The following SYT9 variants were observed in gnomAD, a reference collection of about 807,000 sequenced individuals.
SYT9 encodes synaptotagmin 9.
SYT9 carries 22 observed loss-of-function variants against 48.4 expected under a neutral mutation model. The ratio of observed to expected loss-of-function variants is 0.45; its 90% CI spans 0.32 to 0.65. The LOEUF is 0.65. SYT9 is among the 30% of genes least tolerant of loss of function. The pLI is 0.03. For synonymous variants in SYT9, 265 were observed against 245.0 expected (o/e 1.08, Z -0.76); for missense variants, 577 against 622.0 (o/e 0.93, Z 0.77).
At chr11:7,316,424 TG>T (rs1361412462) in intron 3 of SYT9, among the ~76,000 whole-genome samples, 4 of 152,178 alleles carry the variant, frequency 2.6e-5, no homozygotes, top group Admixed American at 6.5e-5. Context: ...TTTTTTTCTT[TG>T]GTCAACATTG....
chr11:7,408,475 TG>T (rs1847067790), intron 3 of SYT9, among the ~76,000 whole-genome samples: 1 of 152,238 alleles, frequency 6.6e-6, no homozygotes, highest in South Asian at 2.1e-4. Context: ...TCCATGAGCA[TG>T]GGATGTCTTT....
intron 3 of SYT9, among the ~76,000 whole-genome samples, chr11:7,375,460 A>G (rs928038234): frequency 1.3e-5 from 2 of 152,122 alleles, no homozygotes; most frequent in African/African-American, 4.8e-5. Context: ...AAGAAAGTCA[A>G]TAGTAGCTTG....
At chr11:7,303,666 A>G (rs76004074) in intron 2 of SYT9, among the ~76,000 whole-genome samples, 3,975 of 152,320 alleles carry the variant, frequency 0.026, 81 homozygotes, top group East Asian at 0.11. Flanking sequence ...TTAGCATGAA[A>G]TGTATACTAT....
intron 3 of SYT9, among the ~76,000 whole-genome samples, chr11:7,390,724 T>G (rs1055884433): frequency 4.6e-5 from 7 of 152,190 alleles, no homozygotes; most frequent in Admixed American, 3.9e-4. Flanking sequence ...AATTTAAAAG[T>G]GGTTGAAACC....
rs73397556 is a variant in SYT9, at chr11:7,361,635, C to A, written c.1044+47694C>A. On this transcript the variant is annotated intron_variant, in intron 3 of 6. Coordinates refer to ENST00000318881, the MANE Select transcript of SYT9 (RefSeq NM_175733.4). ...TTTACAGAAGTGTGTTTTACTTTCC[C>A]TCTATGATTGTGAATTTGTTGATTG... is the stretch of plus-strand genomic sequence containing the variant. 4.1e-3 allele frequency among the ~76,000 whole-genome samples: 624 copies of A among 152,136 alleles called. 3 individuals carry two copies. Among genetic ancestry groups the A allele is most frequent in the African/African-American group, 0.014 (587 of 41,492 alleles).
chr11:7,368,558 C>T lies in SYT9; in HGVS notation c.1045-47484C>T, dbSNP rs557690764. On this transcript the variant is annotated intron_variant, in intron 3 of 6. Transcript: ENST00000318881. ...AGGCCCTGGTGTGTGATATTCCCCT[C>T]CCTGTGTCCATGTGTTCTCATTGTT... Among the ~76,000 whole-genome samples the T allele has an allele frequency of 2.0e-5, 3 of 152,226 alleles. No individual in the cohort carries two copies. The South Asian group carries it at 6.2e-4, about 32-fold the overall frequency.
chr11:7,398,561 C>T (rs1322892074), intron 3 of SYT9, among the ~76,000 whole-genome samples: 1 of 152,076 alleles, frequency 6.6e-6, no homozygotes, highest in Non-Finnish European at 1.5e-5. Context: ...AGGCACCTGC[C>T]ACCACGCCCA....
intron 6 of SYT9, among the ~76,000 whole-genome samples, chr11:7,426,578 A>G (rs972136234): frequency 2.6e-5 from 4 of 152,138 alleles, no homozygotes; most frequent in Non-Finnish European, 4.4e-5. Flanking sequence ...ATAAAGTTAC[A>G]TGGTCATTTC....
chr11:7,387,345 AATAAT>A (rs1850682296), intron 3 of SYT9, among the ~76,000 whole-genome samples: 1 of 152,154 alleles, frequency 6.6e-6, no homozygotes, highest in Non-Finnish European at 1.5e-5. Context: ...CCTAAACAAA[AATAAT>A]AAAATAAAAT....
chr11:7,349,244 T>C (rs944547349), intron 3 of SYT9, among the ~76,000 whole-genome samples: 3 of 152,088 alleles, frequency 2.0e-5, no homozygotes, highest in Non-Finnish European at 4.4e-5. Context: ...GTTGGGGTGA[T>C]GCCAGCATTC....
At chr11:7,328,561 A>G (rs10734617) in intron 3 of SYT9, among the ~76,000 whole-genome samples, 106,709 of 151,914 alleles carry the variant, frequency 0.7, 37,672 homozygotes, top group East Asian at 0.92. Context: ...TCCATTCCAG[A>G]TGACATAACT....
chr11:7,301,699 T>C (rs1049731292), intron 1 of SYT9, among the ~76,000 whole-genome samples: 7 of 152,182 alleles, frequency 4.6e-5, no homozygotes, highest in Admixed American at 3.3e-4. Context: ...CAGAAAACTT[T>C]GGTTGAAGCA....
At chr11:7,431,739 C>G (rs1446448061) in intron 6 of SYT9, among the ~76,000 whole-genome samples, 1 of 152,238 alleles carries the variant, frequency 6.6e-6, no homozygotes, top group Non-Finnish European at 1.5e-5. Flanking sequence ...TCAAAGGGGC[C>G]CAGGTCCACC....
chr11:7,317,619 C>G lies in SYT9; in HGVS notation c.1044+3678C>G, dbSNP rs960702715. Among the ~76,000 whole-genome samples the G allele has an allele frequency of 3.9e-5, 6 of 152,288 alleles. No individual in the cohort carries two copies. In the East Asian group the frequency reaches 1.2e-3, roughly 29 times the overall value. ...ATTTCCAAATACTGTCACAATCACACTGGGGATTAGGGTTTCAATATATAA... is the reference window on the plus strand; with the variant it reads ...ATTTCCAAATACTGTCACAATCACAGTGGGGATTAGGGTTTCAATATATAA... On this transcript the variant is annotated intron_variant, in intron 3 of 6. Coordinates refer to ENST00000318881, the MANE Select transcript of SYT9 (RefSeq NM_175733.4).
intron 3 of SYT9, among the ~76,000 whole-genome samples, chr11:7,362,728 C>T (rs1052739695): frequency 1.3e-5 from 2 of 152,046 alleles, no homozygotes; most frequent in Admixed American, 1.3e-4. Flanking sequence ...TCATTGCTTT[C>T]AACATTAATG....
At chr11:7,378,060 A>C (rs1850488116) in intron 3 of SYT9, among the ~76,000 whole-genome samples, 1 of 151,710 alleles carries the variant, frequency 6.6e-6, no homozygotes, top group South Asian at 2.1e-4. Flanking sequence ...CAAAGCAGAG[A>C]GCACAGGCTA....
intron 2 of SYT9, among the ~76,000 whole-genome samples, chr11:7,304,188 C>T (rs939490226): frequency 1.6e-4 from 24 of 152,176 alleles, no homozygotes; most frequent in Non-Finnish European, 3.4e-4. Flanking sequence ...GAAATGATGA[C>T]ATGTGCTTGC....
intron 1 of SYT9, among the ~76,000 whole-genome samples, chr11:7,301,090 T>A (rs553095046): frequency 1.3e-5 from 2 of 152,354 alleles, no homozygotes; most frequent in East Asian, 1.9e-4. Flanking sequence ...TTCCTCAAAG[T>A]TCCTGGTTAA....
intron 3 of SYT9, 157 bp downstream of exon 3, chr11:7,314,098 G>C: frequency 3.6e-6 from 3 of 828,372 alleles, no homozygotes; most frequent in Non-Finnish European, 5.9e-6. Flanking sequence ...CAGAAACAGG[G>C]TTTTAACAAT....
Sources: allele counts gnomAD v4.1 joint callset (sites outside exome capture counted in the v4.1 genomes callset), GRCh38; gene constraint gnomAD v4.1.1; transcripts MANE v1.5; gene names NCBI Gene and HGNC (gene_info 2026-07-23, HGNC 2026-07-21).